The following ANK2 variants were observed in gnomAD, a reference collection of about 807,000 sequenced individuals.
The protein encoded by ANK2 is ankyrin 2, also known as ankyrin-2.
ANK2 carries 83 observed loss-of-function variants against 360.5 expected under a neutral mutation model. The observed-to-expected ratio is 0.23, with a 90% confidence interval of 0.19 to 0.28. The LOEUF (loss-of-function observed/expected upper bound fraction) is 0.28. Ranked by LOEUF, ANK2 falls within the 10% of genes least tolerant of loss-of-function variation. The probability of loss-of-function intolerance (pLI) is 1.00; values close to 1 mark genes in which losing one functional copy is unlikely to be tolerated. For missense variants in ANK2, 4,201 were observed against 4,795.7 expected (o/e 0.88, Z 3.66); for synonymous variants, 1,740 against 1,759.5 (o/e 0.99, Z 0.28).
chr4:113,189,343 T>A (rs1055914889), intron 2 of ANK2, among the ~76,000 whole-genome samples: 6 of 152,236 alleles, frequency 3.9e-5, no homozygotes, highest in Non-Finnish European at 5.9e-5. Context: ...TGGCTTATTT[T>A]TAATTAAAAT....
chr4:112,745,207 C>T, the ANK2 span, among the ~76,000 whole-genome samples: 2 of 152,158 alleles, frequency 1.3e-5, no homozygotes, highest in African/African-American at 4.8e-5. Context: ...ATATAGGTCA[C>T]AACACAAACA....
chr4:113,182,890 T>C (rs1316708544), intron 2 of ANK2, among the ~76,000 whole-genome samples: 1 of 152,104 alleles, frequency 6.6e-6, no homozygotes, highest in Non-Finnish European at 1.5e-5. Context: ...GCTTTCTTTG[T>C]AATAGGAAAG....
intron 2 of ANK2, among the ~76,000 whole-genome samples, chr4:112,962,209 T>C (rs1391977122): frequency 1.3e-5 from 2 of 152,122 alleles, no homozygotes; most frequent in Non-Finnish European, 2.9e-5. Flanking sequence ...CTCTACCCTC[T>C]AGTAGTCTGC....
intron 1 of ANK2, among the ~76,000 whole-genome samples, chr4:112,860,443 T>G (rs2067641613): frequency 6.6e-6 from 1 of 152,114 alleles, no homozygotes; most frequent in Non-Finnish European, 1.5e-5. Context: ...GTCAGGCTGG[T>G]CTCGAACTCC....
intron 26 of ANK2, among the ~76,000 whole-genome samples, chr4:113,322,348 C>T (rs895996089): frequency 6.6e-6 from 1 of 152,162 alleles, no homozygotes; most frequent in Non-Finnish European, 1.5e-5. Flanking sequence ...GAAAGACTAA[C>T]ATTTGCTGTT....
chr4:113,378,192 G>A (rs1431346121), intron 45 of ANK2: 2 of 1,210,788 alleles, frequency 1.7e-6, no homozygotes, highest in Non-Finnish European at 2.2e-6. Context: ...GTTTGGGTTA[G>A]CATGGGGTGA....
chr4:113,089,864 A>C (rs906907040), intron 1 of ANK2, among the ~76,000 whole-genome samples: 2 of 152,198 alleles, frequency 1.3e-5, no homozygotes, highest in Non-Finnish European at 2.9e-5. Flanking sequence ...TGATAAAAAA[A>C]TATATGAAAC....
chr4:113,287,764 C>T (rs1563446301), intron 19 of ANK2, 61 bp downstream of exon 19: 1 of 1,402,934 alleles, frequency 7.1e-7, no homozygotes, highest in East Asian at 2.3e-5. Flanking sequence ...CCAGTAGCCC[C>T]CATTCGGGTC....
intron 4 of ANK2, among the ~76,000 whole-genome samples, chr4:113,227,757 G>A (rs1040009195): frequency 2.6e-5 from 4 of 152,186 alleles, no homozygotes; most frequent in African/African-American, 4.8e-5. Flanking sequence ...GCTTAATTAC[G>A]TAGGTATTTG....
intron 1 of ANK2, among the ~76,000 whole-genome samples, chr4:113,105,162 A>G (rs796141676): frequency 2.0e-5 from 3 of 152,322 alleles, no homozygotes; most frequent in African/African-American, 7.2e-5. Flanking sequence ...ATGAGTAGGT[A>G]GCCCTTCTGA....
chr4:112,931,349 G>A (rs1466528978), intron 2 of ANK2, among the ~76,000 whole-genome samples: 2 of 151,458 alleles, frequency 1.3e-5, no homozygotes, highest in African/African-American at 4.8e-5. Context: ...TGGTTTTCAA[G>A]AAGCTGTAGG....
the ANK2 span, among the ~76,000 whole-genome samples, chr4:112,732,709 T>TA: frequency 6.6e-6 from 1 of 152,246 alleles, no homozygotes; most frequent in Non-Finnish European, 1.5e-5. Flanking sequence ...AGAAGTCATC[T>TA]ACTTGGGTCT....
intron 1 of ANK2, among the ~76,000 whole-genome samples, chr4:113,171,397 G>A (rs1562593026): frequency 6.6e-6 from 1 of 152,052 alleles, no homozygotes; most frequent in Non-Finnish European, 1.5e-5. Flanking sequence ...TTTCTATGCA[G>A]GTATATAAAT....
intron 1 of ANK2, among the ~76,000 whole-genome samples, chr4:113,082,326 G>A (rs990814432): frequency 4.6e-5 from 7 of 151,932 alleles, no homozygotes; most frequent in African/African-American, 1.7e-4. Flanking sequence ...TTTGTGGAGA[G>A]TGGGGTCTCA....
chr4:113,092,547 A>C (rs1234885811), intron 1 of ANK2, among the ~76,000 whole-genome samples: 1 of 151,966 alleles, frequency 6.6e-6, no homozygotes, highest in East Asian at 1.9e-4. Context: ...GATAGATTGG[A>C]TTCTGCCAGT....
intron 35 of ANK2, among the ~76,000 whole-genome samples, chr4:113,346,393 C>T (rs1435871341): frequency 3.3e-5 from 5 of 152,282 alleles, no homozygotes; most frequent in East Asian, 1.9e-4. Context: ...TGCTTTCCTG[C>T]GACCATACTC....
chr4:112,910,746 T>A (rs2086858688), intron 2 of ANK2, among the ~76,000 whole-genome samples: 1 of 152,170 alleles, frequency 6.6e-6, no homozygotes, highest in South Asian at 2.1e-4. Flanking sequence ...ATCTTTTGTC[T>A]TTTTTACCTT....
chr4:113,103,006 T>C (rs888921839), intron 1 of ANK2, among the ~76,000 whole-genome samples: 3 of 152,192 alleles, frequency 2.0e-5, no homozygotes, highest in Non-Finnish European at 2.9e-5. Context: ...GTATTTAATT[T>C]TGTGCATTCT....
chr4:113,362,832 T>G (rs2096297712), intron 39 of ANK2, among the ~76,000 whole-genome samples: 2 of 152,132 alleles, frequency 1.3e-5, no homozygotes, highest in Non-Finnish European at 2.9e-5. Flanking sequence ...TTCCTCGACC[T>G]CTTATTCAGT....
Sources: allele counts gnomAD v4.1 joint callset (sites outside exome capture counted in the v4.1 genomes callset), GRCh38; gene constraint gnomAD v4.1.1; transcripts MANE v1.5; gene names NCBI Gene and HGNC (gene_info 2026-07-23, HGNC 2026-07-21).